Variants in PLCB1 observed in about 807,000 individuals in gnomAD.
PLCB1 encodes 1-phosphatidylinositol 4,5-bisphosphate phosphodiesterase beta-1.
Under a neutral mutation model 161.8 loss-of-function variants are expected in PLCB1, and 46 were observed. The observed-to-expected ratio is 0.28, with a 90% confidence interval of 0.22 to 0.36. The LOEUF (loss-of-function observed/expected upper bound fraction) is 0.36, where lower values mean the gene tolerates loss of function less well. Among genes scored for constraint, PLCB1 ranks in the 10% least tolerant of loss-of-function variants. The pLI is 1.00. For synonymous variants in PLCB1, 517 were observed against 503.7 expected (o/e 1.03, Z -0.35); for missense variants, 1,016 against 1,472.5 (o/e 0.69, Z 5.07).
intron 3 of PLCB1, among the ~76,000 whole-genome samples, chr20:8,383,242 A>G (rs1359784438): frequency 1.3e-5 from 2 of 152,224 alleles, no homozygotes; most frequent in Admixed American, 1.3e-4. Flanking sequence ...ATATATATTT[A>G]GGATATTTAG....
At chr20:8,435,572 G>A (rs749860318) in intron 3 of PLCB1, among the ~76,000 whole-genome samples, 17 of 152,090 alleles carry the variant, frequency 1.1e-4, no homozygotes, top group Non-Finnish European at 1.6e-4. Context: ...GACAGCCTCC[G>A]GAACTGCAAG....
intron 2 of PLCB1, among the ~76,000 whole-genome samples, chr20:8,170,483 T>G (rs1034295443): frequency 2.0e-5 from 3 of 152,140 alleles, no homozygotes; most frequent in Non-Finnish European, 4.4e-5. Context: ...CAGATCTAAA[T>G]TTTTAGATTT....
intron 9 of PLCB1, among the ~76,000 whole-genome samples, chr20:8,661,612 ATG>A (rs936998260): frequency 2.0e-5 from 3 of 152,070 alleles, no homozygotes; most frequent in Non-Finnish European, 4.4e-5. Flanking sequence ...GCTTTAAGGC[ATG>A]TACACAAAAA....
chr20:8,676,222 G>A (rs918181514), intron 9 of PLCB1, among the ~76,000 whole-genome samples: 2 of 152,282 alleles, frequency 1.3e-5, no homozygotes, highest in East Asian at 1.9e-4. Context: ...TTAGCCGGGC[G>A]TGGTGGCATG....
intron 27 of PLCB1, among the ~76,000 whole-genome samples, chr20:8,780,924 G>A (rs746413874): frequency 8.5e-5 from 13 of 152,170 alleles, no homozygotes; most frequent in Admixed American, 2.6e-4. Flanking sequence ...TTTAATGAAA[G>A]CCTTTTTCTG....
intron 3 of PLCB1, among the ~76,000 whole-genome samples, chr20:8,375,622 C>T (rs1269351171): frequency 2.0e-5 from 3 of 152,028 alleles, no homozygotes; most frequent in Admixed American, 6.6e-5. Context: ...TTTCTTCAGC[C>T]TCATGATTCT....
intron 3 of PLCB1, among the ~76,000 whole-genome samples, chr20:8,555,339 G>A (rs1985916065): frequency 1.3e-5 from 2 of 151,906 alleles, no homozygotes; most frequent in South Asian, 2.1e-4. Flanking sequence ...TGAAAGAGGT[G>A]TTTCTAACAA....
intron 3 of PLCB1, among the ~76,000 whole-genome samples, chr20:8,438,764 A>AC (rs1980420201): frequency 6.6e-6 from 1 of 152,002 alleles, no homozygotes; most frequent in African/African-American, 2.4e-5. Flanking sequence ...CCATTTCCTG[A>AC]CCCAAGGGGC....
At chr20:8,733,464 C>A in intron 19 of PLCB1, 72 bp downstream of exon 19, 1 of 1,310,380 alleles carries the variant, frequency 7.6e-7, no homozygotes, top group Non-Finnish European at 1.1e-6. Context: ...AAAGAAGTGG[C>A]TTAGTCATTA....
chr20:8,729,043 G>T lies in PLCB1; in HGVS notation c.1764-7G>T, dbSNP rs770077789. The stretch of plus-strand genomic sequence containing the variant: ...AATTGTATTCACTACTTAACATGAT[G>T]GTCCAGATATAACAAAATGCAGCTT... On this transcript the variant is annotated splice_polypyrimidine_tract_variant and splice_region_variant and intron_variant, in intron 17 of 31. Coordinates refer to ENST00000338037, the MANE Select transcript of PLCB1 (RefSeq NM_015192.4). 7 of 1,594,138 alleles carry T rather than the reference G, an allele frequency of 4.4e-6. No homozygotes were observed. The South Asian group carries it at 6.8e-5, about 16-fold the overall frequency.
intron 2 of PLCB1, among the ~76,000 whole-genome samples, chr20:8,234,093 G>A (rs949375324): frequency 1.3e-5 from 2 of 152,118 alleles, no homozygotes; most frequent in Admixed American, 6.6e-5. Context: ...GTGTCTTAGA[G>A]TGAAACTGCT....
chr20:8,287,392 A>G (rs1983170199), intron 2 of PLCB1, among the ~76,000 whole-genome samples: 1 of 152,194 alleles, frequency 6.6e-6, no homozygotes, highest in East Asian at 1.9e-4. Context: ...AGAAGAGGAT[A>G]AGATGTCACC....
At chr20:8,185,060 T>C (rs1187878163) in intron 2 of PLCB1, among the ~76,000 whole-genome samples, 2 of 151,958 alleles carry the variant, frequency 1.3e-5, no homozygotes, top group Non-Finnish European at 2.9e-5. Context: ...TCTGTTCCTG[T>C]GTAAGTTTGC....
chr20:8,555,784 T>C (rs575508576), intron 3 of PLCB1, among the ~76,000 whole-genome samples: 15 of 152,240 alleles, frequency 9.9e-5, no homozygotes, highest in Middle Eastern at 3.4e-3. Context: ...TGAAAATTGC[T>C]TGACTTGGAG....
intron 2 of PLCB1, among the ~76,000 whole-genome samples, chr20:8,278,516 C>G (rs1199274171): frequency 2.0e-5 from 3 of 151,426 alleles, no homozygotes; most frequent in Admixed American, 2.0e-4. Context: ...ACAGATAATG[C>G]ACTGGGAAAA....
chr20:8,193,489 A>G (rs1290198911), intron 2 of PLCB1, among the ~76,000 whole-genome samples: 4 of 152,024 alleles, frequency 2.6e-5, no homozygotes, highest in African/African-American at 9.7e-5. Context: ...CCTAGAAAGA[A>G]GGCAAGAATA....
At chr20:8,148,686 G>T (rs768930107) in intron 1 of PLCB1, among the ~76,000 whole-genome samples, 1 of 152,150 alleles carries the variant, frequency 6.6e-6, no homozygotes, top group African/African-American at 2.4e-5. Flanking sequence ...ACAAGACATG[G>T]CATATACATA....
intron 3 of PLCB1, among the ~76,000 whole-genome samples, chr20:8,377,235 C>A (rs564444070): frequency 2.0e-5 from 3 of 152,120 alleles, no homozygotes; most frequent in South Asian, 4.2e-4. Context: ...GGAAAGGTGT[C>A]TTGATAGGAG....
At chr20:8,812,209 T>A (rs1240790022) in intron 31 of PLCB1, among the ~76,000 whole-genome samples, 1 of 152,118 alleles carries the variant, frequency 6.6e-6, no homozygotes, top group Non-Finnish European at 1.5e-5. Context: ...TCCTCAGGCC[T>A]TGGAATCGTT....
Sources: allele counts gnomAD v4.1 joint callset (sites outside exome capture counted in the v4.1 genomes callset), GRCh38; gene constraint gnomAD v4.1.1; transcripts MANE v1.5; gene names NCBI Gene and HGNC (gene_info 2026-07-23, HGNC 2026-07-21).